LRRC42: variants seen among roughly 807,000 people sequenced by gnomAD.
LRRC42 encodes the protein leucine-rich repeat-containing protein 42.
In LRRC42, 43 loss-of-function variants were observed where a neutral mutation model predicts 44.3. That is an observed-to-expected ratio of 0.97 (90% CI 0.76 to 1.25). LRRC42 has a LOEUF of 1.25. Among genes scored for constraint, LRRC42 ranks in the 50% most tolerant of loss-of-function variants. The probability of loss-of-function intolerance (pLI) is 0.00; values close to 1 mark genes in which losing one functional copy is unlikely to be tolerated. For missense variants in LRRC42, 540 were observed against 509.1 expected, an observed-to-expected ratio of 1.06 and a Z score of -0.58; for synonymous variants, 207 against 195.2, an observed-to-expected ratio of 1.06 and a Z score of -0.50.
intron 3 of LRRC42, among the ~76,000 whole-genome samples, chr1:53,956,044 G>GA (rs1166724122): frequency 6.6e-6 from 1 of 152,172 alleles, no homozygotes; most frequent in African/African-American, 2.4e-5. Flanking sequence ...ATCCTTAAAG[G>GA]CAAATAGAGG....
chr1:53,967,104 G>C (rs1373219958), intron 8 of LRRC42, among the ~76,000 whole-genome samples: 1 of 152,142 alleles, frequency 6.6e-6, no homozygotes, highest in Non-Finnish European at 1.5e-5. Flanking sequence ...TTTATGTTAT[G>C]TATATTTTAT....
rs1023546324 is a variant in LRRC42, at chr1:53,967,756, G to T, written c.1104G>T (p.Glu368Asp). The T allele has an allele frequency of 3.7e-6, 6 of 1,614,160 alleles. No individual in the cohort carries two copies. The highest frequency in any genetic ancestry group is 3.3e-5 in the Admixed American group (2 of 60,016). The change falls in exon 9 of 9, where the codon GAG becomes GAT. Residue 368 changes from glutamate to aspartate, a missense_variant. Transcript: ENST00000371370. The part of the protein sequence containing the change: ...NSSEKLQFYK[E>D]KAPDCHGPVL... ...CCGAGAAACTCCAGTTCTATAAAGAGAAAGCCCCAGATTGCCATGGGCCAG... is the reference window on the plus strand; with the variant it reads ...CCGAGAAACTCCAGTTCTATAAAGATAAAGCCCCAGATTGCCATGGGCCAG...
chr1:53,964,052 T>C (rs1474457086), intron 7 of LRRC42, among the ~76,000 whole-genome samples: 1 of 149,714 alleles, frequency 6.7e-6, no homozygotes, highest in East Asian at 2.0e-4. Context: ...AGTGCAGCTG[T>C]GCATTGTTTC....
chr1:53,965,392 A>G (rs1655101978), intron 7 of LRRC42, among the ~76,000 whole-genome samples: 1 of 147,578 alleles, frequency 6.8e-6, no homozygotes. Context: ...CAAATATTAA[A>G]TTTAAAGTTC....
intron 7 of LRRC42, among the ~76,000 whole-genome samples, chr1:53,965,468 A>G (rs958305475): frequency 1.3e-5 from 2 of 150,094 alleles, no homozygotes; most frequent in African/African-American, 4.9e-5. Flanking sequence ...ATTCAGGCAT[A>G]TTTCTTTTTT....
At position 53,959,096 on chromosome 1, in the gene LRRC42, T is replaced by C. The variant is rs191765962; in HGVS notation, c.605+816T>C. On this transcript the variant is annotated intron_variant, in intron 4 of 8. Coordinates refer to ENST00000371370, the MANE Select transcript of LRRC42 (RefSeq NM_001256409.2). ...CGGGGGTTTTGCCATGTTGGCCAGG[T>C]TGGTCTCGAACTTCTGACCTCAGGT... 9.4e-3 allele frequency among the ~76,000 whole-genome samples: 1,423 copies of C among 152,062 alleles called. 29 individuals are homozygous for C. The highest frequency in any genetic ancestry group is 0.033 in the African/African-American group (1,357 of 41,480).
Position 53,960,338 on chromosome 1 carries a change from T to C in LRRC42, c.606-18T>C, listed in dbSNP as rs780398385. 5 of 1,536,544 alleles carry C rather than the reference T, an allele frequency of 3.3e-6. No individual in the cohort carries two copies. The South Asian group carries it at 5.8e-5, about 18-fold the overall frequency. On this transcript the variant is annotated intron_variant, in intron 4 of 8. Transcript: ENST00000371370. ...AAACTCTCTTTGAGTAATTTATGTATGTACTTTGTTTCCCTAGTGTAACTC... is the reference window on the plus strand; with the variant it reads ...AAACTCTCTTTGAGTAATTTATGTACGTACTTTGTTTCCCTAGTGTAACTC...
chr1:53,963,533 CA>C (rs1655049161), intron 7 of LRRC42, among the ~76,000 whole-genome samples: 1 of 152,214 alleles, frequency 6.6e-6, no homozygotes. Context: ...ATGCAGAAAC[CA>C]GGACCTCTCT....
intron 5 of LRRC42, among the ~76,000 whole-genome samples, chr1:53,961,327 C>T (rs1377019538): frequency 2.0e-5 from 3 of 151,906 alleles, no homozygotes; most frequent in South Asian, 4.1e-4. Context: ...AGGAGAATGG[C>T]GTGAATCCGG....
At chr1:53,962,479 C>T in intron 7 of LRRC42, 70 bp downstream of exon 7, 2 of 949,646 alleles carry the variant, frequency 2.1e-6, no homozygotes, top group Admixed American at 3.8e-5. Flanking sequence ...TTATCCAACA[C>T]ATTGAATAAA....
intron 3 of LRRC42, among the ~76,000 whole-genome samples, chr1:53,952,818 C>T (rs1368355350): frequency 6.6e-6 from 1 of 152,136 alleles, no homozygotes; most frequent in Non-Finnish European, 1.5e-5. Context: ...GATTAGTACC[C>T]AGAGTTTTTG....
chr1:53,955,744 T>C (rs2100922489), intron 3 of LRRC42, among the ~76,000 whole-genome samples: 1 of 150,574 alleles, frequency 6.6e-6, no homozygotes, highest in Admixed American at 6.6e-5. Flanking sequence ...TTCTCCTGCC[T>C]CAGCCTCCCG....
intron 3 of LRRC42, among the ~76,000 whole-genome samples, chr1:53,952,774 C>T (rs890647867): frequency 5.9e-5 from 9 of 152,108 alleles, no homozygotes; most frequent in Admixed American, 5.2e-4. Context: ...TGTGATCTGC[C>T]AAATATCTCT....
intron 7 of LRRC42, among the ~76,000 whole-genome samples, chr1:53,964,194 A>G (rs979587344): frequency 7.9e-5 from 12 of 151,948 alleles, no homozygotes; most frequent in African/African-American, 2.9e-4. Flanking sequence ...GCTTTCCTGC[A>G]GCATTCGATA....
At chr1:53,960,529 G>A (rs972197130) in intron 5 of LRRC42, 55 bp downstream of exon 5, 7 of 1,257,542 alleles carry the variant, frequency 5.6e-6, no homozygotes, top group Non-Finnish European at 8.0e-6. Flanking sequence ...TGGCCTTAGA[G>A]ATCATGTAGT....
At position 53,968,099 on chromosome 1, in the gene LRRC42, T is replaced by C. The variant is rs1444718607; in HGVS notation, c.*160T>C. Reference sequence around the variant, plus strand: ...GTGGGAGGGGAATGCTATGGAAGTATGTAATAATTTCTAATGTATATTTTC... The same window carrying C: ...GTGGGAGGGGAATGCTATGGAAGTACGTAATAATTTCTAATGTATATTTTC... On this transcript the variant is annotated 3_prime_UTR_variant, in exon 9 of 9. Transcript: ENST00000371370. The C allele has an allele frequency of 2.9e-6, 2 of 688,858 alleles. No homozygotes were observed. Among genetic ancestry groups the C allele is most frequent in the Non-Finnish European group, 4.8e-6 (2 of 416,972 alleles). 42.7% of individuals were successfully genotyped at this position (688,858 alleles called of 1,614,324 possible).
chr1:53,963,462 C>T (rs1002238031), intron 7 of LRRC42, among the ~76,000 whole-genome samples: 16 of 152,222 alleles, frequency 1.1e-4, no homozygotes, highest in Admixed American at 4.6e-4. Context: ...AATCCTGGCT[C>T]AGCAACCCCA....
intron 4 of LRRC42, 34 bp from the exon 5 acceptor site, chr1:53,960,322 T>C (rs779899134): frequency 2.1e-6 from 3 of 1,444,958 alleles, no homozygotes; most frequent in African/African-American, 1.4e-5. Context: ...CAAACTCTCT[T>C]TGAGTAATTT....
chr1:53,961,200 G>T (rs1654985564), intron 5 of LRRC42, among the ~76,000 whole-genome samples: 1 of 152,156 alleles, frequency 6.6e-6, no homozygotes, highest in South Asian at 2.1e-4. Context: ...ACGAGGTCAG[G>T]AGATCAAGAC....
Sources: allele counts gnomAD v4.1 joint callset (sites outside exome capture counted in the v4.1 genomes callset), GRCh38; gene constraint gnomAD v4.1.1; transcripts MANE v1.5; gene names NCBI Gene and HGNC (gene_info 2026-07-23, HGNC 2026-07-21).